MUC5B: variants seen among roughly 807,000 people sequenced by gnomAD.
MUC5B encodes mucin 5B, oligomeric mucus/gel-forming.
In MUC5B, 116 loss-of-function variants were observed where a neutral mutation model predicts 376.9. That is an observed-to-expected ratio of 0.31 (90% confidence interval 0.26 to 0.36). The LOEUF (loss-of-function observed/expected upper bound fraction) is 0.36, where lower values mean the gene tolerates loss of function less well. MUC5B is among the 10% of genes least tolerant of loss of function. MUC5B has a pLI of 1.00. For missense variants in MUC5B, 7,165 were observed against 7,769.9 expected (o/e 0.92, Z 2.93); for synonymous variants, 3,517 against 3,390.9 (o/e 1.04, Z -1.29).
chr11:1,253,976 G>C lies in MUC5B; in HGVS notation c.15218-116G>C. 1 of 1,429,036 alleles carries C rather than the reference G, an allele frequency of 7.0e-7. No individual in the cohort carries two copies. Among genetic ancestry groups the C allele is most frequent in the East Asian group, 2.5e-5 (1 of 40,144 alleles). 88.5% of individuals were successfully genotyped at this position (1,429,036 alleles called of 1,614,324 possible). On this transcript the variant is annotated intron_variant, in intron 33 of 48. Coordinates refer to ENST00000529681, the MANE Select transcript of MUC5B (RefSeq NM_002458.3). This position sits in a 1 kb window ranked among gnomAD's most constrained non-coding sequence, Gnocchi z 4.3. ...TATAGACGAGGCAGCTGAGGCCCCA[G>C]GGGCTTCAGTGGCTCCCCAAGGCGG...
intron 1 of MUC5B, among the ~76,000 whole-genome samples, chr11:1,225,335 C>T (rs1043063746): frequency 2.6e-5 from 4 of 152,264 alleles, no homozygotes; most frequent in African/African-American, 9.6e-5. Context: ...TCTCCCCCAT[C>T]CCTTGAGAAG....
At position 1,233,044 on chromosome 11, in the gene MUC5B, G is replaced by C; in HGVS notation, c.2097G>C (p.Gln699His). ...TKYMQNCPKS[Q>H]RYAYVVDACQ... ...ACATGCAGAACTGCCCCAAGTCCCA[G>C]CGCTACGCCTACGTGGTGGATGCCT... Residue 699 changes from glutamine to histidine, a missense_variant, in exon 18 of 49, where the codon CAG (glutamine) becomes CAC (histidine). This residue lies in a region of MUC5B where 530 missense variants were observed against 604.0 expected (regional missense o/e 0.88). Transcript: ENST00000529681. 6.2e-7 allele frequency: 1 copy of C among 1,601,886 alleles called. No homozygotes were observed.
chr11:1,253,011 C>T lies in MUC5B; in HGVS notation c.15217+31C>T, dbSNP rs755900416. On this transcript the variant is annotated intron_variant, in intron 33 of 48. Transcript: ENST00000529681. The surrounding 1 kb of genome is among the most constrained non-coding windows in gnomAD (Gnocchi z 4.3). ...TGCGTCGGTGGCCGCGGGATTACCC[C>T]GGGGGCAGGTGGAGCAGAGTGCACC... is the stretch of plus-strand genomic sequence containing the variant. The T allele has an allele frequency of 1.4e-5, 21 of 1,529,952 alleles. No homozygotes were observed. Among genetic ancestry groups the T allele is most frequent in the Admixed American group, 8.8e-5 (5 of 56,890 alleles). 94.8% of individuals were successfully genotyped at this position (1,529,952 alleles called of 1,614,324 possible).
chr11:1,235,921 G>A (rs1862146754), intron 23 of MUC5B, among the ~76,000 whole-genome samples: 1 of 152,198 alleles, frequency 6.6e-6, no homozygotes, highest in Non-Finnish European at 1.5e-5. Flanking sequence ...CATGTGGACA[G>A]GCATTTTCAG....
In MUC5B at chr11:1,234,327, G is replaced by A. The variant is rs757749427; in HGVS notation, c.2478+22G>A. On this transcript the variant is annotated intron_variant, in intron 20 of 48. Transcript: ENST00000529681. The surrounding 1 kb of genome is among the most constrained non-coding windows in gnomAD (Gnocchi z 6.3). ...CTGTGTGAGTTCCATGCTTCAGGGA[G>A]GGGTGGGCAGGGAAGGGGTCCCAGC... 4 of 1,544,116 alleles carry A rather than the reference G, an allele frequency of 2.6e-6. No individual in the cohort carries two copies. Among genetic ancestry groups the A allele is most frequent in the African/African-American group, 2.7e-5 (2 of 73,614 alleles).
At position 1,248,406 on chromosome 11, in the gene MUC5B, C is replaced by T. The variant is rs1312490762; in HGVS notation, c.11526C>T (p.Thr3842=). Reference sequence around the variant, plus strand: ...CCACAGTGCTTACCACCACGGCCACCACAACCAGGGCCACCGGCTCTGTGG... The same window carrying T: ...CCACAGTGCTTACCACCACGGCCACTACAACCAGGGCCACCGGCTCTGTGG... ...HTSTVLTTTA[T]TTRATGSVAT... Residue 3842 remains threonine (T), a synonymous_variant, in exon 31 of 49, where the codon ACC becomes ACT. Coordinates refer to ENST00000529681, the MANE Select transcript of MUC5B (RefSeq NM_002458.3). 1.2e-6 allele frequency: 2 copies of T among 1,612,222 alleles called. No individual in the cohort carries two copies. Among genetic ancestry groups the T allele is most frequent in the South Asian group, 2.2e-5 (2 of 91,018 alleles).
chr11:1,233,192 G>A lies in MUC5B; in HGVS notation c.2245G>A (p.Ala749Thr), dbSNP rs543376698. 3.2e-5 allele frequency: 51 copies of A among 1,602,596 alleles called. No homozygotes were observed. The highest frequency in any genetic ancestry group is 1.4e-4 in the South Asian group (13 of 90,106). ...FLNDAGACVP[A>T]QECPCYAHGT... is the part of the protein sequence containing the mutation. ...CAATGACGCGGGCGCCTGTGTGCCC[G>A]CCCAGGAGTGCCCCTGCTACGCTCA... The change falls in exon 18 of 49, where the codon GCC (alanine) becomes ACC (threonine). Residue 749 changes from alanine (A) to threonine (T), a missense_variant. Physicochemically the swap from Ala to Thr is moderately conservative, Grantham distance 58. Coordinates refer to ENST00000529681, the MANE Select transcript of MUC5B (RefSeq NM_002458.3).
In MUC5B at chr11:1,258,017, C is replaced by A; in HGVS notation, c.16451-82C>A. ...AAGCGGTCAGGTCCTCGGGGAAAAG[C>A]ACGCCTGCGACTTACTCTGGGAACA... On this transcript the variant is annotated intron_variant, in intron 41 of 48. Coordinates refer to ENST00000529681, the MANE Select transcript of MUC5B (RefSeq NM_002458.3). The surrounding 1 kb of genome is among the most constrained non-coding windows in gnomAD (Gnocchi z 5.5). The A allele has an allele frequency of 7.3e-7, 1 of 1,373,480 alleles. No individual in the cohort carries two copies. The highest frequency in any genetic ancestry group is 1.0e-6 in the Non-Finnish European group (1 of 995,432). 85.1% of individuals were successfully genotyped at this position (1,373,480 alleles called of 1,614,324 possible). A position where few individuals can be genotyped will look rare whatever the true frequency, so the allele number is the denominator to read the frequency against.
chr11:1,226,937 G>C (rs917598082), intron 4 of MUC5B, 61 bp downstream of exon 4: 1 of 1,580,728 alleles, frequency 6.3e-7, no homozygotes, highest in Admixed American at 1.7e-5. Context: ...CTCCCCACAC[G>C]GCCATGTCTG....
At position 1,242,975 on chromosome 11, in the gene MUC5B, C is replaced by T; in HGVS notation, c.6095C>T (p.Ala2032Val). The change falls in exon 31 of 49, where the codon GCC (alanine) becomes GTC (valine). Residue 2032 changes from alanine to valine, a missense_variant. Around this residue, in one of 31 missense-constraint regions of MUC5B, gnomAD observed 897 missense variants for 779.6 expected, o/e 1.15. Transcript: ENST00000529681. Reference protein sequence around the residue: ...VLTATATTTGATGSVATPSST... With the variant: ...VLTATATTTGVTGSVATPSST... ...ACCGCCACGGCCACCACAACTGGGG[C>T]CACCGGCTCTGTGGCCACCCCCTCC... 2 of 1,613,286 alleles carry T rather than the reference C, an allele frequency of 1.2e-6. No homozygotes were observed. Among genetic ancestry groups the T allele is most frequent in the South Asian group, 1.1e-5 (1 of 91,026 alleles).
In MUC5B at chr11:1,251,564, C is replaced by G. The variant is rs1270302618; in HGVS notation, c.14684C>G (p.Pro4895Arg). ...TMPTATASTV[P>R]SSSTVGTTRT... Reference sequence around the variant, plus strand: ...CCCACAGCCACTGCCTCCACGGTTCCCAGCTCGTCCACCGTGGGGACCACC... The same window carrying G: ...CCCACAGCCACTGCCTCCACGGTTCGCAGCTCGTCCACCGTGGGGACCACC... Residue 4895 changes from proline to arginine, a missense_variant, in exon 31 of 49, where the codon CCC becomes CGC. Transcript: ENST00000529681. The G allele has an allele frequency of 8.7e-6, 14 of 1,612,840 alleles. No homozygotes were observed. Among genetic ancestry groups the G allele is most frequent in the African/African-American group, 1.3e-5 (1 of 74,932 alleles).
rs949425688 is a variant in MUC5B, at chr11:1,231,936, G to A, written c.1679-60G>A. 6.2e-6 allele frequency: 10 copies of A among 1,603,194 alleles called. No individual in the cohort carries two copies. In the African/African-American group the frequency reaches 1.1e-4, roughly 17 times the overall value. ...TGTGTGGTGCCTGGAGGGATGGCAG[G>A]GGCCAGGAGCCAGGTGGGCCCAACA... On this transcript the variant is annotated intron_variant, in intron 14 of 48. Transcript: ENST00000529681.
rs1862303564 is a variant in MUC5B, at chr11:1,242,183, C to T, written c.5303C>T (p.Thr1768Ile). 1.9e-6 allele frequency: 3 copies of T among 1,613,602 alleles called. No individual in the cohort carries two copies. In the South Asian group the frequency reaches 3.3e-5, roughly 18 times the overall value. Residue 1768 changes from threonine (T) to isoleucine (I), a missense_variant, in exon 31 of 49, where the codon ACA (threonine) becomes ATA (isoleucine). Thr to Ile is a moderately conservative substitution (Grantham distance 89). This residue lies in a region of MUC5B where 897 missense variants were observed against 779.6 expected (regional missense o/e 1.15). Transcript: ENST00000529681. ...ACCAGCACGCCCAGGACAGAGACGA[C>T]AATGAGCCCCTTGACTAACACCACC... ...AETSTPRTET[T>I]MSPLTNTTTS...
chr11:1,261,005 G>T (rs1405694502), intron 48 of MUC5B, among the ~76,000 whole-genome samples: 2 of 152,276 alleles, frequency 1.3e-5, no homozygotes, highest in Non-Finnish European at 1.5e-5. Flanking sequence ...GGGAGGGTGG[G>T]TGGAACCAGA....
Position 1,242,668 on chromosome 11 carries a change from C to T in MUC5B, c.5788C>T (p.Leu1930=). 6.2e-7 allele frequency: 1 copy of T among 1,613,674 alleles called. No homozygotes were observed. The highest frequency in any genetic ancestry group is 8.5e-7 in the Non-Finnish European group (1 of 1,179,764). ...ATCCACGGCCACCCCGACCTCCACC[C>T]TGAGAACAGCTCCCCCTCCCAAAGT... ...TGSTATPTST[L]RTAPPPKVLT... The change falls in exon 31 of 49, where the codon CTG becomes TTG. Residue 1930 remains leucine, a synonymous_variant. Transcript: ENST00000529681.
At chr11:1,228,157 AC>A (rs1861931717) in intron 7 of MUC5B, among the ~76,000 whole-genome samples, 2 of 152,136 alleles carry the variant, frequency 1.3e-5, no homozygotes, top group African/African-American at 4.8e-5. Context: ...GCTGTGAATG[AC>A]AGCATGAGCC....
Position 1,241,995 on chromosome 11 carries a change from C to T in MUC5B, c.5115C>T (p.Ser1705=). ...CAGCCCTTCCAGGGACGACGGGGAG[C>T]TTGGGCACATGGCGCCCCTCACAGC... ...TRSALPGTTG[S]LGTWRPSQPP... The change falls in exon 31 of 49, where the codon AGC becomes AGT. Residue 1705 remains serine, a synonymous_variant. Coordinates refer to ENST00000529681, the MANE Select transcript of MUC5B (RefSeq NM_002458.3). 2.5e-6 allele frequency: 4 copies of T among 1,590,960 alleles called. No individual in the cohort carries two copies. The highest frequency in any genetic ancestry group is 3.4e-6 in the Non-Finnish European group (4 of 1,169,472).
chr11:1,240,147 C>T, intron 29 of MUC5B, 31 bp from the exon 30 acceptor site: 1 of 1,577,620 alleles, frequency 6.3e-7, no homozygotes, highest in Non-Finnish European at 8.6e-7. Flanking sequence ...GGCTCGGAGG[C>T]CCTGGGTGAC....
intron 38 of MUC5B, among the ~76,000 whole-genome samples, chr11:1,256,447 C>G (rs1238165815): frequency 6.6e-6 from 1 of 150,664 alleles, no homozygotes; most frequent in Admixed American, 6.6e-5. Flanking sequence ...GCATCCCCAC[C>G]TGGCCCCGCC....
Sources: allele counts gnomAD v4.1 joint callset (sites outside exome capture counted in the v4.1 genomes callset), GRCh38; gene constraint gnomAD v4.1.1; regional missense constraint gnomAD v4.1.1; non-coding constraint Gnocchi (gnomAD v3.1); transcripts MANE v1.5; gene names NCBI Gene and HGNC (gene_info 2026-07-23, HGNC 2026-07-21).